Variants in TNNI3K observed in about 807,000 individuals in gnomAD.
TNNI3K encodes TNNI3 interacting kinase.
In TNNI3K, 140 loss-of-function variants were observed where a neutral mutation model predicts 114.5. That is an observed-to-expected ratio of 1.22 (90% confidence interval 1.07 to 1.41). TNNI3K has a LOEUF of 1.41. TNNI3K is among the 40% of genes most tolerant of loss of function. TNNI3K has a pLI of 0.00. For synonymous variants in TNNI3K, 347 were observed against 347.5 expected, an observed-to-expected ratio of 1.00 and a Z score of 0.02; for missense variants, 1,125 against 1,007.6, an observed-to-expected ratio of 1.12 and a Z score of -1.58.
intron 4 of TNNI3K, among the ~76,000 whole-genome samples, chr1:74,267,673 A>G (rs1421810057): frequency 1.3e-5 from 2 of 151,978 alleles, no homozygotes; most frequent in Non-Finnish European, 1.5e-5. Flanking sequence ...TATTATCTTT[A>G]GCATAGCTGC....
At chr1:74,260,583 C>T (rs1298105423) in intron 4 of TNNI3K, among the ~76,000 whole-genome samples, 1 of 152,068 alleles carries the variant, frequency 6.6e-6, no homozygotes, top group Non-Finnish European at 1.5e-5. Flanking sequence ...CAGTACTTAG[C>T]AAAATACCTA....
intron 17 of TNNI3K, among the ~76,000 whole-genome samples, chr1:74,389,593 T>C (rs1663661406): frequency 6.6e-6 from 1 of 152,148 alleles, no homozygotes; most frequent in Non-Finnish European, 1.5e-5. Flanking sequence ...CTTATTTCCT[T>C]TTATTGGAAC....
intron 4 of TNNI3K, among the ~76,000 whole-genome samples, chr1:74,271,266 T>C (rs963115664): frequency 6.6e-6 from 1 of 151,896 alleles, no homozygotes; most frequent in East Asian, 1.9e-4. Flanking sequence ...GAGTTAATTC[T>C]AGTTGCTGGA....
intron 2 of TNNI3K, among the ~76,000 whole-genome samples, chr1:74,246,544 T>C (rs1654566490): frequency 6.6e-6 from 1 of 152,174 alleles, no homozygotes; most frequent in African/African-American, 2.4e-5. Context: ...GGTCTTTCTA[T>C]TGTCCAGCAA....
chr1:74,312,796 G>A (rs534390540), intron 5 of TNNI3K, among the ~76,000 whole-genome samples: 25 of 152,288 alleles, frequency 1.6e-4, no homozygotes, highest in Admixed American at 2.6e-4. Flanking sequence ...TAAAAATTCC[G>A]CATAGGAGAA....
intron 5 of TNNI3K, among the ~76,000 whole-genome samples, chr1:74,284,597 C>T (rs1657211887): frequency 6.6e-6 from 1 of 152,210 alleles, no homozygotes; most frequent in Non-Finnish European, 1.5e-5. Flanking sequence ...GCACACAAAA[C>T]CTTCTAAAGT....
intron 23 of TNNI3K, among the ~76,000 whole-genome samples, chr1:74,523,278 T>G (rs1646459226): frequency 6.6e-6 from 1 of 152,200 alleles, no homozygotes; most frequent in Non-Finnish European, 1.5e-5. Context: ...CTATAGACAT[T>G]ATCTCACTTG....
At chr1:74,487,205 G>A (rs1220702044) in intron 21 of TNNI3K, among the ~76,000 whole-genome samples, 4 of 151,400 alleles carry the variant, frequency 2.6e-5, no homozygotes, top group Admixed American at 6.6e-5. Context: ...GAACATGAAC[G>A]ATGCAAAAAA....
intron 17 of TNNI3K, among the ~76,000 whole-genome samples, chr1:74,434,725 T>G (rs1020168465): frequency 6.6e-6 from 1 of 152,010 alleles, no homozygotes; most frequent in Non-Finnish European, 1.5e-5. Flanking sequence ...GTCCCTGTTT[T>G]GTTTGACATC....
At chr1:74,285,562 C>T (rs560002252) in intron 5 of TNNI3K, among the ~76,000 whole-genome samples, 1 of 152,216 alleles carries the variant, frequency 6.6e-6, no homozygotes, top group African/African-American at 2.4e-5. Flanking sequence ...CATGTAACAC[C>T]ACCTGTTTCA....
chr1:74,510,131 G>A (rs12030003), intron 23 of TNNI3K, among the ~76,000 whole-genome samples: 2 of 151,262 alleles, frequency 1.3e-5, no homozygotes, highest in Admixed American at 6.6e-5. Flanking sequence ...ACATGACTTA[G>A]AGATGTTTAA....
intron 17 of TNNI3K, among the ~76,000 whole-genome samples, chr1:74,397,941 G>A (rs575167674): frequency 6.6e-6 from 1 of 152,232 alleles, no homozygotes; most frequent in Non-Finnish European, 1.5e-5. Context: ...CCTATGGAGT[G>A]CTACACACCT....
intron 21 of TNNI3K, chr1:74,475,618 A>T (rs1348693368): frequency 2.8e-6 from 2 of 717,082 alleles, no homozygotes; most frequent in African/African-American, 1.7e-5. Flanking sequence ...AGTGGACATG[A>T]CCTTTATCTC....
intron 23 of TNNI3K, among the ~76,000 whole-genome samples, chr1:74,494,063 G>A (rs1669211907): frequency 6.6e-6 from 1 of 152,114 alleles, no homozygotes; most frequent in Admixed American, 6.5e-5. Context: ...TAGATACCCT[G>A]AAGAGTGCAT....
At chr1:74,412,830 C>T (rs997367771) in intron 17 of TNNI3K, among the ~76,000 whole-genome samples, 2 of 152,066 alleles carry the variant, frequency 1.3e-5, no homozygotes, top group African/African-American at 4.8e-5. Flanking sequence ...GCCAGGCTGG[C>T]GTCGAACTCC....
intron 2 of TNNI3K, among the ~76,000 whole-genome samples, chr1:74,238,982 T>TA (rs1654026752): frequency 6.6e-6 from 1 of 152,080 alleles, no homozygotes; most frequent in Admixed American, 6.6e-5. Flanking sequence ...GCTCCCCAGA[T>TA]AAAACTATGC....
intron 13 of TNNI3K, among the ~76,000 whole-genome samples, chr1:74,368,777 C>T (rs550544207): frequency 6.6e-6 from 1 of 151,718 alleles, no homozygotes. Context: ...CAGGAATAGA[C>T]CCTTAGCCCT....
At chr1:74,515,812 C>G (rs1370706651) in intron 23 of TNNI3K, among the ~76,000 whole-genome samples, 1 of 152,130 alleles carries the variant, frequency 6.6e-6, no homozygotes, top group Non-Finnish European at 1.5e-5. Context: ...TCTTCAGAAG[C>G]CTAGTCTTCC....
intron 23 of TNNI3K, among the ~76,000 whole-genome samples, chr1:74,529,490 A>G (rs1255368843): frequency 1.3e-5 from 2 of 152,214 alleles, no homozygotes. Context: ...AAGAAACATG[A>G]CAATTCAGTG....
Sources: gnomAD v4.1 joint callset for allele counts (sites outside exome capture counted in the v4.1 genomes callset) on GRCh38, gnomAD v4.1.1 for gene constraint, MANE v1.5 for transcripts, NCBI Gene and HGNC (gene_info 2026-07-23, HGNC 2026-07-21) for gene names.